TRAF3: variants seen among roughly 807,000 people sequenced by gnomAD.
The protein encoded by TRAF3 is TNF receptor associated factor 3, also known as TNF receptor-associated factor 3.
A neutral mutation model predicts 62.3 loss-of-function variants in TRAF3; 13 were observed. The observed-to-expected ratio is 0.21, with a 90% confidence interval of 0.14 to 0.33. TRAF3 has a LOEUF of 0.33. Among genes scored for constraint, TRAF3 ranks in the 10% least tolerant of loss-of-function variants. The pLI is 1.00. For missense variants in TRAF3, 440 were observed against 741.8 expected (o/e 0.59, Z 4.73); for synonymous variants, 269 against 283.4 (o/e 0.95, Z 0.51).
rs755929299 is a variant in TRAF3, at chr14:102,903,822, C to T, written c.1135+393C>T. ...TCCTAAGGGCCAGGGGGCAGCAGTC[C>T]CACCGCGCTCTGCCAGCATGTTTCT... is the stretch of plus-strand genomic sequence containing the variant. On this transcript the variant is annotated intron_variant, in intron 11 of 11. Coordinates refer to ENST00000392745, the MANE Select transcript of TRAF3 (RefSeq NM_145725.3). This position sits in a 1 kb window ranked among gnomAD's most constrained non-coding sequence, Gnocchi z 6.4. 1 of 472,130 alleles carries T rather than the reference C, an allele frequency of 2.1e-6. No homozygotes were observed. Among genetic ancestry groups the T allele is most frequent in the Non-Finnish European group, 4.2e-6 (1 of 237,616 alleles). 29.2% of individuals were successfully genotyped at this position (472,130 alleles called of 1,614,324 possible). A position where few individuals can be genotyped will look rare whatever the true frequency, so the allele number is the denominator to read the frequency against.
At chr14:102,809,520 C>T (rs900982792) in intron 1 of TRAF3, among the ~76,000 whole-genome samples, 6 of 149,276 alleles carry the variant, frequency 4.0e-5, no homozygotes, top group African/African-American at 1.5e-4. Context: ...AAATCTTTCA[C>T]AGCATAGACT....
At chr14:102,902,134 G>A (rs563310730) in intron 10 of TRAF3, among the ~76,000 whole-genome samples, 5 of 152,374 alleles carry the variant, frequency 3.3e-5, no homozygotes, top group Admixed American at 3.3e-4. Flanking sequence ...TTGGGAAAGG[G>A]CTTTCTGAAT....
chr14:102,883,220 T>C (rs1889167964), intron 6 of TRAF3, among the ~76,000 whole-genome samples: 1 of 152,228 alleles, frequency 6.6e-6, no homozygotes, highest in African/African-American at 2.4e-5. Context: ...AGTGTTGTTA[T>C]ACGACAAGGA....
chr14:102,809,618 C>T (rs1299231057), intron 1 of TRAF3, among the ~76,000 whole-genome samples: 10 of 150,212 alleles, frequency 6.7e-5, no homozygotes, highest in African/African-American at 1.7e-4. Context: ...CTGCAAGCGC[C>T]GCCTCCCAGG....
In TRAF3 at chr14:102,903,778, G is replaced by A. The variant is rs1407887659; in HGVS notation, c.1135+349G>A. The stretch of plus-strand genomic sequence containing the variant: ...TGGCAGAGGCCAGGACCTGCTGGTC[G>A]GGGCGCCCCAGACCCCACTCCTAAG... On this transcript the variant is annotated intron_variant, in intron 11 of 11. Transcript: ENST00000392745. This position sits in a 1 kb window ranked among gnomAD's most constrained non-coding sequence, Gnocchi z 6.4. 1.0e-5 allele frequency: 5 copies of A among 494,720 alleles called. No individual in the cohort carries two copies. Among genetic ancestry groups the A allele is most frequent in the Admixed American group, 2.3e-5 (1 of 43,548 alleles). The allele number at this position is 494,720 out of a possible 1,614,324, so 30.6% of individuals were successfully genotyped here. A position where few individuals can be genotyped will look rare whatever the true frequency, so the allele number is the denominator to read the frequency against.
chr14:102,834,424 C>T (rs1276773046), intron 2 of TRAF3, among the ~76,000 whole-genome samples: 4 of 151,026 alleles, frequency 2.6e-5, no homozygotes, highest in African/African-American at 7.3e-5. Context: ...TCCGGCTGGG[C>T]GCGGTGGCTC....
intron 6 of TRAF3, among the ~76,000 whole-genome samples, chr14:102,884,999 C>T (rs932937509): frequency 6.6e-5 from 10 of 152,094 alleles, no homozygotes; most frequent in Non-Finnish European, 1.3e-4. Flanking sequence ...TGTTGAAAGT[C>T]GAACACAGAA....
At chr14:102,824,862 T>C (rs2139598263) in intron 1 of TRAF3, among the ~76,000 whole-genome samples, 1 of 152,384 alleles carries the variant, frequency 6.6e-6, no homozygotes, top group African/African-American at 2.4e-5. Context: ...GAGTGCCTTG[T>C]GGCTCTATTT....
intron 2 of TRAF3, among the ~76,000 whole-genome samples, chr14:102,841,521 G>A (rs376089864): frequency 1.4e-4 from 22 of 152,200 alleles, no homozygotes; most frequent in Admixed American, 1.4e-3. Flanking sequence ...GTGTCAGGAC[G>A]ATTCCTCAGA....
intron 5 of TRAF3, 72 bp downstream of exon 5, chr14:102,875,800 G>A (rs1888615154): frequency 7.5e-7 from 1 of 1,326,504 alleles, no homozygotes; most frequent in Non-Finnish European, 1.1e-6. Context: ...CTGATGAAGT[G>A]GTCAGTAGGA....
intron 6 of TRAF3, among the ~76,000 whole-genome samples, chr14:102,885,928 C>T (rs879292329): frequency 5.9e-5 from 9 of 152,146 alleles, no homozygotes; most frequent in East Asian, 1.9e-4. Context: ...ACCCTTGTGG[C>T]GAGGCCCCCA....
In TRAF3 at chr14:102,876,517, G is replaced by A. The variant is rs137916856; in HGVS notation, c.562G>A (p.Ala188Thr). ...CTGCAAGAGTCAGGTTCCGATGATCGCGCTGCAGGTGCGGGTCCTCCCATT... is the reference window on the plus strand; with the variant it reads ...CTGCAAGAGTCAGGTTCCGATGATCACGCTGCAGGTGCGGGTCCTCCCATT... ...SHCKSQVPMIALQKHEDTDCP... is the reference protein window; with the variant it reads ...SHCKSQVPMITLQKHEDTDCP... Residue 188 changes from alanine (A) to threonine (T), a missense_variant, in exon 6 of 12, where the codon GCG (alanine) becomes ACG (threonine). Around this residue, in one of 6 missense-constraint regions of TRAF3, gnomAD observed 255 missense variants for 424.1 expected, o/e 0.60. Coordinates refer to ENST00000392745, the MANE Select transcript of TRAF3 (RefSeq NM_145725.3). 48 of 1,613,568 alleles carry A rather than the reference G, an allele frequency of 3.0e-5. No individual in the cohort carries two copies. In the African/African-American group the frequency reaches 3.6e-4, roughly 12 times the overall value.
intron 4 of TRAF3, among the ~76,000 whole-genome samples, chr14:102,873,707 C>T (rs983474674): frequency 6.6e-6 from 1 of 152,042 alleles, no homozygotes; most frequent in Non-Finnish European, 1.5e-5. Flanking sequence ...TAAATAGTCT[C>T]AGATCCTTTC....
At chr14:102,815,132 T>A (rs994428191) in intron 1 of TRAF3, among the ~76,000 whole-genome samples, 22 of 151,750 alleles carry the variant, frequency 1.4e-4, no homozygotes, top group African/African-American at 5.1e-4. Flanking sequence ...AGAGACAGAG[T>A]TTTACTATGT....
chr14:102,816,101 T>C (rs2139548918), intron 1 of TRAF3, among the ~76,000 whole-genome samples: 1 of 151,652 alleles, frequency 6.6e-6, no homozygotes, highest in African/African-American at 2.4e-5. Flanking sequence ...GGACTCTAAA[T>C]TCTATTTTTT....
intron 2 of TRAF3, 79 bp from the exon 3 acceptor site, chr14:102,870,106 G>A: frequency 6.3e-7 from 1 of 1,586,212 alleles, no homozygotes; most frequent in South Asian, 1.1e-5. Context: ...CAGGTCTCAG[G>A]CACTTTTGCT....
intron 2 of TRAF3, among the ~76,000 whole-genome samples, chr14:102,854,739 G>T (rs1182980801): frequency 6.6e-6 from 1 of 150,530 alleles, no homozygotes; most frequent in African/African-American, 2.4e-5. Flanking sequence ...GGCTTCAAGT[G>T]ATCTGCCCAC....
rs566124955 is a variant in TRAF3, at chr14:102,871,807, C to T, written c.246-110C>T. On this transcript the variant is annotated intron_variant, in intron 3 of 11. Transcript: ENST00000392745. ...GGGCGTCCTGAAGCTCTGCTGGTTG[C>T]TGTGAGCCACTGTGCAGACCTGACC... 9.0e-5 allele frequency: 86 copies of T among 952,974 alleles called. 1 individual carries two copies. Among genetic ancestry groups the T allele is most frequent in the Admixed American group, 5.0e-4 (29 of 58,466 alleles). 59.0% of individuals were successfully genotyped at this position (952,974 alleles called of 1,614,324 possible).
chr14:102,816,668 A>T (rs886962935), intron 1 of TRAF3, among the ~76,000 whole-genome samples: 2 of 152,170 alleles, frequency 1.3e-5, no homozygotes, highest in African/African-American at 4.8e-5. Context: ...ATTCTGTTAC[A>T]TGGTTGATTA....
Sources: gnomAD v4.1 joint callset for allele counts (sites outside exome capture counted in the v4.1 genomes callset) on GRCh38, gnomAD v4.1.1 for gene constraint, gnomAD v4.1.1 regional missense constraint, Gnocchi (gnomAD v3.1) non-coding constraint, MANE v1.5 for transcripts, NCBI Gene and HGNC (gene_info 2026-07-23, HGNC 2026-07-21) for gene names.